The following CDH23 variants were observed in gnomAD, a reference collection of about 807,000 sequenced individuals.
The protein encoded by CDH23 is cadherin-23.
Under a neutral mutation model 317.1 loss-of-function variants are expected in CDH23, and 189 were observed. The observed-to-expected ratio is 0.60, with a 90% confidence interval of 0.53 to 0.67. CDH23 has a LOEUF of 0.67. Among genes scored for constraint, CDH23 ranks in the 30% least tolerant of loss-of-function variants. The pLI, the probability that CDH23 is intolerant of heterozygous loss-of-function variation, is 0.00. For synonymous variants in CDH23, 1,839 were observed against 1,876.8 expected (o/e 0.98, Z 0.52); for missense variants, 4,401 against 4,592.4 (o/e 0.96, Z 1.20).
At position 71,695,566 on chromosome 10, in the gene CDH23, C is replaced by T. The variant is rs769026263; in HGVS notation, c.2397+41C>T. On this transcript the variant is annotated intron_variant, in intron 22 of 69. Transcript: ENST00000224721. The stretch of plus-strand genomic sequence containing the variant: ...GCAGCAGAACTGCCAGGCGGCCCTT[C>T]CCAGGGGTCTGTGCCCCTCCCACTG... The T allele has an allele frequency of 5.6e-6, 8 of 1,417,420 alleles. No individual in the cohort carries two copies. In the South Asian group the frequency reaches 9.2e-5, roughly 16 times the overall value. The allele number at this position is 1,417,420 out of a possible 1,614,324, so 87.8% of individuals were successfully genotyped here.
At chr10:71,398,476 T>TGTGTGTGTGTGG (rs56791543) in intron 1 of CDH23, among the ~76,000 whole-genome samples, 1 of 118,342 alleles carries the variant, frequency 8.5e-6, no homozygotes, top group Non-Finnish European at 1.7e-5. Context: ...TGTGTGTGTG[T>TGTGTGTGTGTGG]TGGGTGGAGT....
chr10:71,593,338 AT>A (rs1859626290), intron 9 of CDH23, among the ~76,000 whole-genome samples: 1 of 152,240 alleles, frequency 6.6e-6, no homozygotes, highest in Non-Finnish European at 1.5e-5. Flanking sequence ...CTCCAGATGG[AT>A]TCAAGACCTA....
chr10:71,774,347 G>A (rs1235373464), intron 38 of CDH23, among the ~76,000 whole-genome samples: 2 of 151,968 alleles, frequency 1.3e-5, no homozygotes, highest in Non-Finnish European at 1.5e-5. Flanking sequence ...CCACTGGAAT[G>A]TCTCTCCCCT....
At chr10:71,597,710 A>G (rs1379875561) in intron 9 of CDH23, among the ~76,000 whole-genome samples, 1 of 152,170 alleles carries the variant, frequency 6.6e-6, no homozygotes, top group Admixed American at 6.5e-5. Context: ...AGCTTGCTAG[A>G]CAGTTTAATG....
At chr10:71,589,278 C>T (rs938635276) in intron 9 of CDH23, among the ~76,000 whole-genome samples, 5 of 152,182 alleles carry the variant, frequency 3.3e-5, no homozygotes, top group East Asian at 1.9e-4. Flanking sequence ...CGCCACCACA[C>T]CCAGCTAATT....
chr10:71,402,746 C>CAT (rs1847841081), intron 1 of CDH23, among the ~76,000 whole-genome samples: 1 of 121,418 alleles, frequency 8.2e-6, no homozygotes, highest in African/African-American at 2.9e-5. Context: ...TGTGTGTGTG[C>CAT]ACGCGCGCGC....
At chr10:71,788,649 GT>G (rs1841162983) in intron 44 of CDH23, among the ~76,000 whole-genome samples, 1 of 151,942 alleles carries the variant, frequency 6.6e-6, no homozygotes, top group Non-Finnish European at 1.5e-5. Flanking sequence ...TAGAGACGGG[GT>G]TTCACCATGT....
intron 3 of CDH23, among the ~76,000 whole-genome samples, chr10:71,470,138 G>C (rs368233253): frequency 6.6e-6 from 1 of 152,098 alleles, no homozygotes; most frequent in Non-Finnish European, 1.5e-5. Flanking sequence ...CCCAGCATAA[G>C]TTTAACTTTT....
At chr10:71,443,992 G>A (rs1330946311) in intron 2 of CDH23, among the ~76,000 whole-genome samples, 1 of 152,196 alleles carries the variant, frequency 6.6e-6, no homozygotes, top group East Asian at 1.9e-4. Flanking sequence ...AGAAATGAAC[G>A]ATGCCACTGC....
chr10:71,397,248 C>T lies in CDH23; in HGVS notation c.-76C>T. On this transcript the variant is annotated 5_prime_UTR_variant, in exon 1 of 70. Coordinates refer to ENST00000224721, the MANE Select transcript of CDH23 (RefSeq NM_022124.6). This position sits in a 1 kb window ranked among gnomAD's most constrained non-coding sequence, Gnocchi z 4.8. Reference sequence around the variant, plus strand: ...GGCCAGGGCCAGAGCAGGCGGCCCGCGGGGGCCGATCCGGCGGAGAGCAGA... The same window carrying T: ...GGCCAGGGCCAGAGCAGGCGGCCCGTGGGGGCCGATCCGGCGGAGAGCAGA... The T allele has an allele frequency of 5.0e-6, 1 of 201,998 alleles. No homozygotes were observed. Among genetic ancestry groups the T allele is most frequent in the South Asian group, 5.9e-5 (1 of 16,992 alleles). The allele number at this position is 201,998 out of a possible 1,614,324, so 12.5% of individuals were successfully genotyped here.
At position 71,694,292 on chromosome 10, in the gene CDH23, C is replaced by A. The variant is rs763596833; in HGVS notation, c.2289+33C>A. On this transcript the variant is annotated intron_variant, in intron 21 of 69. Coordinates refer to ENST00000224721, the MANE Select transcript of CDH23 (RefSeq NM_022124.6). ...CGCTCCCCTCCCGTGCCCCAGCTCCCCCTCGCCGGCCAGGCTGCTGCTCCC... is the reference window on the plus strand; with the variant it reads ...CGCTCCCCTCCCGTGCCCCAGCTCCACCTCGCCGGCCAGGCTGCTGCTCCC... 7.2e-6 allele frequency: 11 copies of A among 1,531,132 alleles called. No homozygotes were observed. In the South Asian group the frequency reaches 7.9e-5, roughly 11 times the overall value. The allele number at this position is 1,531,132 out of a possible 1,614,324, so 94.8% of individuals were successfully genotyped here.
At chr10:71,643,965 C>G (rs1862700784) in intron 12 of CDH23, 99 bp downstream of exon 12, 1 of 735,598 alleles carries the variant, frequency 1.4e-6, no homozygotes, top group East Asian at 2.5e-5. Context: ...AGCCCTCCCC[C>G]ACCCTCTCAG....
intron 38 of CDH23, among the ~76,000 whole-genome samples, chr10:71,759,968 TATAC>T (rs1564779468): frequency 2.1e-5 from 2 of 93,856 alleles, no homozygotes; most frequent in Admixed American, 1.2e-4. Flanking sequence ...CACACATATA[TATAC>T]ACACACACAT....
chr10:71,702,754 C>T, intron 24 of CDH23, 60 bp downstream of exon 24: 1 of 1,599,008 alleles, frequency 6.3e-7, no homozygotes, highest in Non-Finnish European at 8.6e-7. Flanking sequence ...GCCTGAGGAG[C>T]CTAGCCCAGG....
rs1161914963 is a variant in CDH23, at chr10:71,500,564, A to T, written c.146-9518A>T. Among the ~76,000 whole-genome samples, 6 of 152,298 alleles carry T rather than the reference A, an allele frequency of 3.9e-5. No individual in the cohort carries two copies. In the South Asian group the frequency reaches 1.2e-3, roughly 32 times the overall value. ...CTGCCTCAGGGCTGCTCACCTTCAG[A>T]CCAGGGTCCACCTGGAGGCCGCCCC... On this transcript the variant is annotated intron_variant, in intron 3 of 69. Coordinates refer to ENST00000224721, the MANE Select transcript of CDH23 (RefSeq NM_022124.6).
intron 3 of CDH23, among the ~76,000 whole-genome samples, chr10:71,463,922 C>G (rs917164548): frequency 2.0e-5 from 3 of 152,208 alleles, no homozygotes; most frequent in Non-Finnish European, 4.4e-5. Context: ...TCCCTGGAGT[C>G]CCCATTAGAA....
chr10:71,574,507 T>C (rs1589223650), intron 8 of CDH23, among the ~76,000 whole-genome samples: 1 of 152,020 alleles, frequency 6.6e-6, no homozygotes, highest in African/African-American at 2.4e-5. Context: ...TCATCGGAAG[T>C]CCCCTTCAGC....
At chr10:71,677,075 T>C (rs961630806) in intron 15 of CDH23, among the ~76,000 whole-genome samples, 3 of 152,176 alleles carry the variant, frequency 2.0e-5, no homozygotes, top group Non-Finnish European at 2.9e-5. Context: ...ACCAGCTGCT[T>C]TCTGCCCATT....
intron 1 of CDH23, among the ~76,000 whole-genome samples, chr10:71,412,934 T>C (rs1034787325): frequency 6.6e-6 from 1 of 152,230 alleles, no homozygotes; most frequent in Non-Finnish European, 1.5e-5. Flanking sequence ...TCTGGGTGGC[T>C]TTTTTGCTCC....
Sources: gnomAD v4.1 joint callset for allele counts (sites outside exome capture counted in the v4.1 genomes callset) on GRCh38, gnomAD v4.1.1 for gene constraint, Gnocchi (gnomAD v3.1) non-coding constraint, MANE v1.5 for transcripts, NCBI Gene and HGNC (gene_info 2026-07-23, HGNC 2026-07-21) for gene names.